Variants in ZFPM2 observed in about 807,000 individuals in gnomAD.
ZFPM2 encodes zinc finger protein ZFPM2.
In ZFPM2, 20 loss-of-function variants were observed where a neutral mutation model predicts 98.6. That is an observed-to-expected ratio of 0.20 (90% CI 0.14 to 0.29). The LOEUF is 0.29. ZFPM2 is among the 10% of genes least tolerant of loss of function. The pLI, the probability that ZFPM2 is intolerant of heterozygous loss-of-function variation, is 1.00. For missense variants in ZFPM2, 1,310 were observed against 1,388.6 expected, an observed-to-expected ratio of 0.94 and a Z score of 0.90; for synonymous variants, 518 against 502.7, an observed-to-expected ratio of 1.03 and a Z score of -0.41.
rs867260337 is a variant in ZFPM2 at position 105,676,673 on chromosome 8, T to C, written c.532+42316T>C. Among the ~76,000 whole-genome samples, 7 of 151,872 alleles carry C rather than the reference T, an allele frequency of 4.6e-5. No individual in the cohort carries two copies. In the South Asian group the frequency reaches 8.3e-4, roughly 18 times the overall value. On this transcript the variant is annotated intron_variant, in intron 5 of 7. Coordinates refer to ENST00000407775, the MANE Select transcript of ZFPM2 (RefSeq NM_012082.4). ...AATATATAAGAGCAATATTTGAAAA[T>C]ACCAAAATATCTGAATGGACAAGTA... is the stretch of plus-strand genomic sequence containing the variant.
chr8:105,597,937 C>G (rs187781249), intron 4 of ZFPM2, among the ~76,000 whole-genome samples: 1 of 151,686 alleles, frequency 6.6e-6, no homozygotes, highest in African/African-American at 2.4e-5. Flanking sequence ...GATGAGAACT[C>G]AAAAGGATTA....
intron 5 of ZFPM2, among the ~76,000 whole-genome samples, chr8:105,750,064 A>C (rs1455910742): frequency 1.3e-5 from 2 of 152,060 alleles, no homozygotes; most frequent in African/African-American, 4.8e-5. Flanking sequence ...GATAAAAATG[A>C]GATTAATATT....
rs554982627 is a variant in ZFPM2, at chr8:105,596,344, A to G, written c.420+34863A>G. ...CATTTTCTTTTTCTTTCATCCCTGC[A>G]TTTTCAGAAAGAAAGAAAAAAGAAG... On this transcript the variant is annotated intron_variant, in intron 4 of 7. Transcript: ENST00000407775. Among the ~76,000 whole-genome samples, 3 of 152,130 alleles carry G rather than the reference A, an allele frequency of 2.0e-5. No homozygotes were observed. The East Asian group carries it at 5.8e-4, about 29-fold the overall frequency.
chr8:105,411,005 A>G (rs977822868), intron 1 of ZFPM2, among the ~76,000 whole-genome samples: 1 of 151,872 alleles, frequency 6.6e-6, no homozygotes, highest in Non-Finnish European at 1.5e-5. Context: ...GGAAAGGACC[A>G]TGGATTTCAC....
intron 3 of ZFPM2, among the ~76,000 whole-genome samples, chr8:105,513,304 C>T (rs1813853210): frequency 6.6e-6 from 1 of 152,146 alleles, no homozygotes; most frequent in Non-Finnish European, 1.5e-5. Flanking sequence ...CTAAAATCCT[C>T]AGGTAGCGAA....
At chr8:105,329,311 A>G (rs1173062778) in intron 1 of ZFPM2, among the ~76,000 whole-genome samples, 1 of 151,812 alleles carries the variant, frequency 6.6e-6, no homozygotes, top group Non-Finnish European at 1.5e-5. Flanking sequence ...ACAAGGTGGG[A>G]CATTATTAAT....
intron 3 of ZFPM2, among the ~76,000 whole-genome samples, chr8:105,477,237 CTTTTT>C (rs397891589): frequency 1.3e-5 from 1 of 74,474 alleles, no homozygotes. Flanking sequence ...TGCTAGCAAT[CTTTTT>C]TTTTTTTTTT....
chr8:105,330,634 A>G lies in ZFPM2; in HGVS notation c.40+11653A>G, dbSNP rs1332179490. Among the ~76,000 whole-genome samples, 18 of 33,950 alleles carry G rather than the reference A, an allele frequency of 5.3e-4. 1 individual carries two copies. The highest frequency in any genetic ancestry group is 9.6e-4 in the Admixed American group (2 of 2,084). The allele number at this position is 33,950 out of a possible 152,430, so 22.3% of individuals were successfully genotyped here. ...TACACATATATATATATATATATAC[A>G]TATATATATATATATTTTTCAGGAA... On this transcript the variant is annotated intron_variant, in intron 1 of 7. Transcript: ENST00000407775.
intron 1 of ZFPM2, among the ~76,000 whole-genome samples, chr8:105,365,295 T>G (rs1473341840): frequency 6.6e-6 from 1 of 152,166 alleles, no homozygotes; most frequent in African/African-American, 2.4e-5. Context: ...CATTTGAATT[T>G]TGGAATGGTG....
intron 4 of ZFPM2, among the ~76,000 whole-genome samples, chr8:105,581,907 G>C (rs1379876479): frequency 3.9e-5 from 6 of 152,112 alleles, no homozygotes; most frequent in Non-Finnish European, 7.3e-5. Context: ...ATCGTTGTGG[G>C]GAAGATTGTG....
rs551275094 is a variant in ZFPM2, at chr8:105,483,753, C to CTT, written c.301+39384_301+39385dup. 1.5e-3 allele frequency among the ~76,000 whole-genome samples: 213 copies of CTT among 141,794 alleles called. 1 individual carries two copies. Among genetic ancestry groups the CTT allele is most frequent in the African/African-American group, 5.1e-3 (197 of 38,672 alleles). The allele number at this position is 141,794 out of a possible 152,430, so 93.0% of individuals were successfully genotyped here. On this transcript the variant is annotated intron_variant, in intron 3 of 7. Coordinates refer to ENST00000407775, the MANE Select transcript of ZFPM2 (RefSeq NM_012082.4). Reference sequence around the variant, plus strand: ...TTTCTCTTTGATTACTTTTTCTTTTCTTTTTTTTTTTTTGAGGTGGAGTCT... The same window carrying CTT: ...TTTCTCTTTGATTACTTTTTCTTTTCTTTTTTTTTTTTTTTGAGGTGGAGTCT...
chr8:105,486,577 C>T (rs887893982), intron 3 of ZFPM2, among the ~76,000 whole-genome samples: 26 of 152,090 alleles, frequency 1.7e-4, no homozygotes, highest in Admixed American at 1.4e-3. Flanking sequence ...AGACTCACTT[C>T]GGGATCCTTT....
intron 4 of ZFPM2, among the ~76,000 whole-genome samples, chr8:105,596,128 T>C (rs1815965045): frequency 6.6e-6 from 1 of 151,902 alleles, no homozygotes; most frequent in Non-Finnish European, 1.5e-5. Flanking sequence ...TTATGGCAAA[T>C]GGTAGTATCC....
chr8:105,515,250 C>A (rs1792745767), intron 3 of ZFPM2, among the ~76,000 whole-genome samples: 1 of 152,206 alleles, frequency 6.6e-6, no homozygotes, highest in East Asian at 1.9e-4. Flanking sequence ...AGATTTTTCT[C>A]ATGCAAATAT....
At chr8:105,343,334 G>C (rs1216695466) in intron 1 of ZFPM2, among the ~76,000 whole-genome samples, 1 of 152,042 alleles carries the variant, frequency 6.6e-6, no homozygotes, top group African/African-American at 2.4e-5. Flanking sequence ...CACATCTTGG[G>C]TATTGTGTTC....
chr8:105,674,435 C>G (rs1236606841), intron 5 of ZFPM2, among the ~76,000 whole-genome samples: 1 of 152,204 alleles, frequency 6.6e-6, no homozygotes. Flanking sequence ...GTAATCCAGC[C>G]TCCTTTATGG....
chr8:105,469,512 A>ATT (rs1812857720), intron 3 of ZFPM2, among the ~76,000 whole-genome samples: 1 of 152,134 alleles, frequency 6.6e-6, no homozygotes, highest in African/African-American at 2.4e-5. Flanking sequence ...GCATGCATGC[A>ATT]TTCACACAAT....
chr8:105,791,418 C>T (rs1039982873), intron 6 of ZFPM2, among the ~76,000 whole-genome samples: 1 of 151,976 alleles, frequency 6.6e-6, no homozygotes, highest in South Asian at 2.1e-4. Flanking sequence ...ATTGAACCAG[C>T]CTTGCATCCC....
intron 4 of ZFPM2, among the ~76,000 whole-genome samples, chr8:105,564,866 C>T (rs1357713182): frequency 6.6e-6 from 1 of 152,016 alleles, no homozygotes; most frequent in Non-Finnish European, 1.5e-5. Flanking sequence ...AAAGTTAATT[C>T]AAAGACTTCT....
Sources: allele counts gnomAD v4.1 joint callset (sites outside exome capture counted in the v4.1 genomes callset), GRCh38; gene constraint gnomAD v4.1.1; transcripts MANE v1.5; gene names NCBI Gene and HGNC (gene_info 2026-07-23, HGNC 2026-07-21).